The following IGDCC4 variants were observed in gnomAD, a reference collection of about 807,000 sequenced individuals.
IGDCC4 encodes the protein likely ortholog of mouse neighbor of Punc E11.
A neutral mutation model predicts 116.6 loss-of-function variants in IGDCC4; 72 were observed. The ratio of observed to expected loss-of-function variants is 0.62; its 90% CI spans 0.51 to 0.75. The LOEUF (loss-of-function observed/expected upper bound fraction) is 0.75. IGDCC4 is among the 30% of genes least tolerant of loss of function. The probability of loss-of-function intolerance (pLI) is 0.00; values close to 1 mark genes in which losing one functional copy is unlikely to be tolerated. For synonymous variants in IGDCC4, 709 were observed against 719.9 expected, an observed-to-expected ratio of 0.98 and a Z score of 0.24; for missense variants, 1,501 against 1,662.4, an observed-to-expected ratio of 0.90 and a Z score of 1.69.
At position 65,396,940 on chromosome 15, in the gene IGDCC4, T is replaced by C. The variant is rs1245647962; in HGVS notation, c.891A>G (p.Leu297=). The C allele has an allele frequency of 6.3e-7, 1 of 1,577,118 alleles. No individual in the cohort carries two copies. The change falls in exon 6 of 20, where the codon CTA becomes CTG. Residue 297 remains leucine (L), a synonymous_variant. Coordinates refer to ENST00000352385, the MANE Select transcript of IGDCC4 (RefSeq NM_020962.3). ...TDVIVLGRTN[L]LIANAQPWHS... ...GCCAGGGCTGCGCGTTGGCAATTAG[T>C]AGGTTGGTGCGGCCCAGGACGATGA...
chr15:65,418,078 G>A (rs890736971), intron 1 of IGDCC4, among the ~76,000 whole-genome samples: 1 of 152,184 alleles, frequency 6.6e-6, no homozygotes, highest in African/African-American at 2.4e-5. Flanking sequence ...AAGGCATAGA[G>A]CCCCCTATGC....
rs531334311 is a variant in IGDCC4, at chr15:65,387,686, A to C, written c.2845+763T>G. On this transcript the variant is annotated intron_variant, in intron 16 of 19. Coordinates refer to ENST00000352385, the MANE Select transcript of IGDCC4 (RefSeq NM_020962.3). Reference sequence around the variant, plus strand: ...TCTAATTTTTAAAATAAGGGATAGCACCTTTTCATTCTGCACTGGGCCCTG... The same window carrying C: ...TCTAATTTTTAAAATAAGGGATAGCCCCTTTTCATTCTGCACTGGGCCCTG... 1.4e-4 allele frequency among the ~76,000 whole-genome samples: 22 copies of C among 152,000 alleles called. No individual in the cohort carries two copies. The South Asian group carries it at 4.4e-3, about 30-fold the overall frequency.
At chr15:65,418,324 C>A (rs1464024052) in intron 1 of IGDCC4, among the ~76,000 whole-genome samples, 2 of 152,124 alleles carry the variant, frequency 1.3e-5, no homozygotes, top group African/African-American at 4.8e-5. Context: ...CTGTATGGCT[C>A]ATATGGTTAA....
At chr15:65,416,136 C>CTTTTTTTTTTTTTTTT (rs60072640) in intron 1 of IGDCC4, among the ~76,000 whole-genome samples, 1 of 77,608 alleles carries the variant, frequency 1.3e-5, no homozygotes. Flanking sequence ...AATGTTTTGA[C>CTTTTTTTTTTTTTTTT]TTTTTTTTTT....
rs188543356 is a variant in IGDCC4 at position 65,394,277 on chromosome 15, G to A, written c.1714+134C>T. The A allele has an allele frequency of 1.3e-3, 1,878 of 1,412,192 alleles. 49 individuals are homozygous for A. In the Admixed American group the frequency reaches 0.034, roughly 26 times the overall value. The allele number at this position is 1,412,192 out of a possible 1,614,324, so 87.5% of individuals were successfully genotyped here. A position where few individuals can be genotyped will look rare whatever the true frequency, so the allele number is the denominator to read the frequency against. On this transcript the variant is annotated intron_variant, in intron 9 of 19. Coordinates refer to ENST00000352385, the MANE Select transcript of IGDCC4 (RefSeq NM_020962.3). ...TCCTGCCCAGACCCCTGTTTTTCAG[G>A]TTCACCCTTCCCCAACCCCTACTCT...
intron 16 of IGDCC4, among the ~76,000 whole-genome samples, chr15:65,387,296 A>G (rs115815822): frequency 0.012 from 1,752 of 151,910 alleles, 37 homozygotes; most frequent in African/African-American, 0.039. Context: ...CAAAGTGCAT[A>G]AGCACTTTGG....
intron 1 of IGDCC4, among the ~76,000 whole-genome samples, chr15:65,416,496 G>A (rs149469045): frequency 1.0e-3 from 159 of 152,262 alleles, no homozygotes; most frequent in African/African-American, 3.7e-3. Flanking sequence ...TTTAATATAA[G>A]TGTGGCTCCC....
chr15:65,384,395 G>A lies in IGDCC4; in HGVS notation c.3367C>T (p.Pro1123Ser). 1 of 1,520,276 alleles carries A rather than the reference G, an allele frequency of 6.6e-7. No homozygotes were observed. The allele number at this position is 1,520,276 out of a possible 1,614,324, so 94.2% of individuals were successfully genotyped here. ...IKGNGRKKSP[P>S]ACRNQVEAEV... Reference sequence around the variant, plus strand: ...GCCTCCACCTGGTTCCTGCAGGCTGGGGGTGACTTCTTCCTCCCATTGCCC... The same window carrying A: ...GCCTCCACCTGGTTCCTGCAGGCTGAGGGTGACTTCTTCCTCCCATTGCCC... The change falls in exon 20 of 20, where the codon CCA becomes TCA. Residue 1123 changes from proline (P) to serine (S), a missense_variant. By Grantham distance (74) the Pro-to-Ser change is moderately conservative (BLOSUM62 -1). Around this residue, in one of 3 missense-constraint regions of IGDCC4, gnomAD observed 368 missense variants for 355.6 expected, o/e 1.03. Coordinates refer to ENST00000352385, the MANE Select transcript of IGDCC4 (RefSeq NM_020962.3). This position sits in a 1 kb window ranked among gnomAD's most constrained non-coding sequence, Gnocchi z 4.9.
intron 1 of IGDCC4, among the ~76,000 whole-genome samples, chr15:65,413,060 G>C (rs983847257): frequency 6.8e-6 from 1 of 146,236 alleles, no homozygotes; most frequent in Non-Finnish European, 1.5e-5. Flanking sequence ...GTGTGTGTGT[G>C]AATACTATAT....
In IGDCC4 at chr15:65,381,651, A is replaced by C. The variant is rs1209869762; in HGVS notation, c.*2358T>G. 6.6e-6 allele frequency: 1 copy of C among 152,248 alleles called. No individual in the cohort carries two copies. The highest frequency in any genetic ancestry group is 1.5e-5 in the Non-Finnish European group (1 of 68,046). 9.4% of individuals were successfully genotyped at this position (152,248 alleles called of 1,614,324 possible). On this transcript the variant is annotated 3_prime_UTR_variant, in exon 20 of 20. Coordinates refer to ENST00000352385, the MANE Select transcript of IGDCC4 (RefSeq NM_020962.3). ...CAGACAAATAAATGAGCAAGTACTG[A>C]TTACACTTGTCATGCATCAAGAAAA... is the stretch of plus-strand genomic sequence containing the variant.
chr15:65,417,238 C>G (rs1032609653), intron 1 of IGDCC4, among the ~76,000 whole-genome samples: 3 of 152,108 alleles, frequency 2.0e-5, no homozygotes, highest in Admixed American at 1.3e-4. Flanking sequence ...CCTCCCTTAC[C>G]ACATGCTGAG....
rs2091406624 is a variant in IGDCC4, at chr15:65,382,216, A to AATT, written c.*1790_*1792dup. ...ATGCTACAGAAATACTACAAGTGACAATTCTGTCTTTAACGAGATACAAAA... is the reference window on the plus strand; with the variant it reads ...ATGCTACAGAAATACTACAAGTGACAATTATTCTGTCTTTAACGAGATACAAAA... On this transcript the variant is annotated 3_prime_UTR_variant, in exon 20 of 20. Transcript: ENST00000352385. 6.6e-6 allele frequency: 1 copy of AATT among 152,544 alleles called. No individual in the cohort carries two copies. The highest frequency in any genetic ancestry group is 6.5e-5 in the Admixed American group (1 of 15,284). 9.4% of individuals were successfully genotyped at this position (152,544 alleles called of 1,614,324 possible).
chr15:65,392,956 C>T (rs551701960), intron 10 of IGDCC4, among the ~76,000 whole-genome samples: 19 of 152,310 alleles, frequency 1.2e-4, no homozygotes, highest in Admixed American at 5.2e-4. Flanking sequence ...TACCTAGTGT[C>T]GCATAGAGAG....
chr15:65,416,136 CTTTTTTTTTTT>C (rs60072640), intron 1 of IGDCC4, among the ~76,000 whole-genome samples: 2 of 77,608 alleles, frequency 2.6e-5, no homozygotes, highest in Non-Finnish European at 4.5e-5. Context: ...AATGTTTTGA[CTTTTTTTTTTT>C]TTTTTTTTTT....
At position 65,392,121 on chromosome 15, in the gene IGDCC4, CAGCCCT is replaced by C; in HGVS notation, c.2122+7_2122+12del. Reference sequence around the variant, plus strand: ...CTACATCCCTCCCTCCCCCTCCCCCCAGCCCTCCTCACCTAGCTGGGTCAGCTCATA... The same window carrying C: ...CTACATCCCTCCCTCCCCCTCCCCCCCCTCACCTAGCTGGGTCAGCTCATA... On this transcript the variant is annotated splice_region_variant and intron_variant, in intron 11 of 19. Coordinates refer to ENST00000352385, the MANE Select transcript of IGDCC4 (RefSeq NM_020962.3). 6.4e-7 allele frequency: 1 copy of C among 1,565,336 alleles called. No homozygotes were observed.
Position 65,383,613 on chromosome 15 carries a change from A to G in IGDCC4, c.*396T>C, listed in dbSNP as rs180932476. The G allele has an allele frequency of 2.0e-3, 335 of 167,884 alleles. 5 individuals carry two copies. The highest frequency in any genetic ancestry group is 7.8e-3 in the African/African-American group (329 of 42,208). The allele number at this position is 167,884 out of a possible 1,614,324, so 10.4% of individuals were successfully genotyped here. A position where few individuals can be genotyped will look rare whatever the true frequency, so the allele number is the denominator to read the frequency against. On this transcript the variant is annotated 3_prime_UTR_variant, in exon 20 of 20. Transcript: ENST00000352385. ...ATTGGAGACACTCTCAGAGTGTGTA[A>G]TAAAAGGCTGGGCGATGGAGGTGGG...
Position 65,384,333 on chromosome 15 carries a change from G to C in IGDCC4, c.3429C>G (p.Asn1143Lys). The C allele has an allele frequency of 6.3e-7, 1 of 1,597,756 alleles. No homozygotes were observed. The change falls in exon 20 of 20, where the codon AAC (asparagine) becomes AAG (lysine). Residue 1143 changes from asparagine to lysine, a missense_variant. By Grantham distance (94) the Asn-to-Lys change is moderately conservative (BLOSUM62 0). Coordinates refer to ENST00000352385, the MANE Select transcript of IGDCC4 (RefSeq NM_020962.3). This position sits in a 1 kb window ranked among gnomAD's most constrained non-coding sequence, Gnocchi z 4.9. ...VIVHSDFSAS[N>K]GNPDLHLQDL... ...CTTGGAGATGGAGGTCAGGGTTCCC[G>C]TTAGATGCACTAAAGTCAGAGTGGA...
Position 65,392,375 on chromosome 15 carries a change from G to C in IGDCC4, c.1886-5C>G, listed in dbSNP as rs2062876748. Reference sequence around the variant, plus strand: ...ACTCTGCAGGGGCAAAAGGGACTGGGGGGCAGAGGAGCAGGATGGGAAAAT... The same window carrying C: ...ACTCTGCAGGGGCAAAAGGGACTGGCGGGCAGAGGAGCAGGATGGGAAAAT... On this transcript the variant is annotated splice_polypyrimidine_tract_variant and splice_region_variant and intron_variant, in intron 10 of 19. Coordinates refer to ENST00000352385, the MANE Select transcript of IGDCC4 (RefSeq NM_020962.3). 12 of 1,506,084 alleles carry C rather than the reference G, an allele frequency of 8.0e-6. No homozygotes were observed. Among genetic ancestry groups the C allele is most frequent in the Non-Finnish European group, 9.8e-6 (11 of 1,125,062 alleles). 93.3% of individuals were successfully genotyped at this position (1,506,084 alleles called of 1,614,324 possible).
intron 1 of IGDCC4, among the ~76,000 whole-genome samples, chr15:65,412,647 C>T (rs1438629886): frequency 6.6e-6 from 1 of 151,680 alleles, no homozygotes; most frequent in Admixed American, 6.6e-5. Context: ...CACTGGAGGC[C>T]AGGCATGGCA....
Sources: gnomAD v4.1 joint callset for allele counts (sites outside exome capture counted in the v4.1 genomes callset) on GRCh38, gnomAD v4.1.1 for gene constraint, gnomAD v4.1.1 regional missense constraint, Gnocchi (gnomAD v3.1) non-coding constraint, MANE v1.5 for transcripts, NCBI Gene and HGNC (gene_info 2026-07-23, HGNC 2026-07-21) for gene names.